ASPH: variants seen among roughly 807,000 people sequenced by gnomAD.
ASPH encodes the protein aspartate beta-hydroxylase, also known as aspartyl/asparaginyl beta-hydroxylase.
Under a neutral mutation model 118.4 loss-of-function variants are expected in ASPH, and 100 were observed. The observed-to-expected ratio is 0.84, with a 90% CI of 0.72 to 1.00. The LOEUF (loss-of-function observed/expected upper bound fraction) is 1.00, where lower values mean the gene tolerates loss of function less well. ASPH is among the 50% of genes least tolerant of loss of function. The probability of loss-of-function intolerance (pLI) is 0.00; values close to 1 mark genes in which losing one functional copy is unlikely to be tolerated. For synonymous variants in ASPH, 315 were observed against 325.6 expected, an observed-to-expected ratio of 0.97 and a Z score of 0.35; for missense variants, 920 against 919.5, an observed-to-expected ratio of 1.00 and a Z score of -0.01.
chr8:61,673,803 C>A (rs1823836718), intron 3 of ASPH, among the ~76,000 whole-genome samples: 1 of 151,764 alleles, frequency 6.6e-6, no homozygotes, highest in Admixed American at 6.6e-5. Flanking sequence ...AAATAAAATA[C>A]CTTTATTTTA....
intron 3 of ASPH, chr8:61,665,165 C>T (rs1259597809): frequency 1.3e-6 from 2 of 1,500,018 alleles, no homozygotes; most frequent in Non-Finnish European, 1.8e-6. Flanking sequence ...CCTCACCAAT[C>T]AGAGCAATAT....
At chr8:61,529,667 A>G (rs1816841056) in intron 21 of ASPH, among the ~76,000 whole-genome samples, 1 of 152,240 alleles carries the variant, frequency 6.6e-6, no homozygotes, top group South Asian at 2.1e-4. Flanking sequence ...ATGTCTATTC[A>G]GGACAAAAAC....
At chr8:61,642,567 G>A (rs1805665804) in intron 10 of ASPH, among the ~76,000 whole-genome samples, 1 of 152,168 alleles carries the variant, frequency 6.6e-6, no homozygotes, top group African/African-American at 2.4e-5. Flanking sequence ...GTGGCTTAAG[G>A]TTAGAAAGCA....
chr8:61,553,820 A>T (rs138272863), intron 19 of ASPH, among the ~76,000 whole-genome samples: 1 of 152,356 alleles, frequency 6.6e-6, no homozygotes, highest in Non-Finnish European at 1.5e-5. Context: ...AAGCAGAAGG[A>T]CAAAAGTTAA....
chr8:61,676,164 TTTC>T lies in ASPH; in HGVS notation c.322+4801_322+4803del, dbSNP rs573164897. 613 of 1,599,080 alleles carry T rather than the reference TTTC, an allele frequency of 3.8e-4. 12 individuals are homozygous for T. The South Asian group carries it at 5.3e-3, about 14-fold the overall frequency. ...CCATCAACACCATCTGCGGTTTCGC[TTTC>T]TTCTTCTTCTTCTTCTAGCATTTCA... On this transcript the variant is annotated intron_variant, in intron 3 of 24. Coordinates refer to ENST00000379454, the MANE Select transcript of ASPH (RefSeq NM_004318.4).
intron 23 of ASPH, 57 bp downstream of exon 23, chr8:61,517,975 A>G (rs950398196): frequency 6.6e-7 from 1 of 1,507,682 alleles, no homozygotes; most frequent in African/African-American, 1.4e-5. Flanking sequence ...GTAAAGGTCA[A>G]CACGCCCTTA....
At chr8:61,644,577 A>T in intron 7 of ASPH, 23 bp downstream of exon 7, 1 of 1,562,880 alleles carries the variant, frequency 6.4e-7, no homozygotes, top group Non-Finnish European at 8.7e-7. Flanking sequence ...CTAATTAAGA[A>T]CAGAATTAAA....
chr8:61,663,329 C>A (rs561817508), intron 3 of ASPH: 200 of 985,206 alleles, frequency 2.0e-4, no homozygotes, highest in Admixed American at 2.5e-4. Flanking sequence ...CAAAAATGGT[C>A]CCAGATGTTC....
chr8:61,585,392 A>T (rs1839097399), intron 14 of ASPH, among the ~76,000 whole-genome samples: 1 of 152,152 alleles, frequency 6.6e-6, no homozygotes, highest in African/African-American at 2.4e-5. Context: ...GGAGGGATAG[A>T]GACGAATTAA....
At chr8:61,547,687 GTTAT>G (rs1824427100) in intron 21 of ASPH, among the ~76,000 whole-genome samples, 2 of 151,836 alleles carry the variant, frequency 1.3e-5, no homozygotes, top group African/African-American at 4.8e-5. Context: ...TTTTTAAAAA[GTTAT>G]TTATACTGAC....
intron 24 of ASPH, among the ~76,000 whole-genome samples, chr8:61,512,110 A>G (rs1809082685): frequency 6.6e-6 from 1 of 152,200 alleles, no homozygotes; most frequent in Non-Finnish European, 1.5e-5. Context: ...CTATGTGATC[A>G]TGTCTAGAAC....
At chr8:61,603,190 T>TA (rs1844586120) in intron 14 of ASPH, among the ~76,000 whole-genome samples, 1 of 32,318 alleles carries the variant, frequency 3.1e-5, no homozygotes, top group African/African-American at 1.7e-4. Flanking sequence ...GAGACTTGTC[T>TA]CAAAAAAAAA....
Position 61,578,381 on chromosome 8 carries a change from T to A in ASPH, c.1063-1523A>T, listed in dbSNP as rs1015148264. On this transcript the variant is annotated intron_variant, in intron 15 of 24. Coordinates refer to ENST00000379454, the MANE Select transcript of ASPH (RefSeq NM_004318.4). ...TTCGGGGTGGCCTGGGAGGCGGCTA[T>A]AGTGGGGCCAGCGGCATGGGAGGCA... 6.2e-6 allele frequency: 10 copies of A among 1,604,952 alleles called. No individual in the cohort carries two copies. In the Admixed American group the frequency reaches 1.7e-4, roughly 27 times the overall value.
chr8:61,552,837 C>T (rs1215987024), intron 20 of ASPH, among the ~76,000 whole-genome samples, 194 bp downstream of exon 20: 2 of 152,074 alleles, frequency 1.3e-5, no homozygotes, highest in Non-Finnish European at 2.9e-5. Flanking sequence ...AAGCCAAATC[C>T]CAAAAATTCT....
chr8:61,564,546 A>G (rs185058823), intron 17 of ASPH, among the ~76,000 whole-genome samples: 6 of 152,172 alleles, frequency 3.9e-5, no homozygotes, highest in African/African-American at 1.4e-4. Context: ...TGATCTGCCC[A>G]TCTTGGCTTC....
At chr8:61,560,439 A>T (rs1013503083) in intron 18 of ASPH, among the ~76,000 whole-genome samples, 2 of 152,230 alleles carry the variant, frequency 1.3e-5, no homozygotes, top group African/African-American at 4.8e-5. Flanking sequence ...ATGAAGAAAA[A>T]TATAAAATTA....
intron 13 of ASPH, among the ~76,000 whole-genome samples, chr8:61,626,727 AAAAAATT>A (rs1430946743): frequency 4.5e-5 from 2 of 44,780 alleles, no homozygotes; most frequent in Non-Finnish European, 9.8e-5. Context: ...AATAAATTTT[AAAAAATT>A]AAAAATTAAA....
At chr8:61,519,515 T>C (rs1198716230) in intron 22 of ASPH, among the ~76,000 whole-genome samples, 1 of 152,214 alleles carries the variant, frequency 6.6e-6, no homozygotes, top group African/African-American at 2.4e-5. Flanking sequence ...CCAAAAGATG[T>C]CCATACCCTC....
At chr8:61,615,891 CATA>C (rs945722968) in intron 14 of ASPH, among the ~76,000 whole-genome samples, 20 of 152,138 alleles carry the variant, frequency 1.3e-4, no homozygotes, top group Admixed American at 9.2e-4. Context: ...GTAATGTTTA[CATA>C]ATGTTTCCCT....
Sources: allele counts gnomAD v4.1 joint callset (sites outside exome capture counted in the v4.1 genomes callset), GRCh38; gene constraint gnomAD v4.1.1; transcripts MANE v1.5; gene names NCBI Gene and HGNC (gene_info 2026-07-23, HGNC 2026-07-21).